Variants in CARD14 observed in about 807,000 individuals in gnomAD.
CARD14 encodes the protein caspase recruitment domain-containing protein 14.
Under a neutral mutation model 111.5 loss-of-function variants are expected in CARD14, and 107 were observed. The ratio of observed to expected loss-of-function variants is 0.96; its 90% CI spans 0.82 to 1.13. The LOEUF is 1.13. CARD14 is among the 50% of genes most tolerant of loss of function. The pLI is 0.00. For synonymous variants in CARD14, 617 were observed against 579.6 expected (o/e 1.06, Z -0.93); for missense variants, 1,322 against 1,362.3 (o/e 0.97, Z 0.47).
At chr17:80,177,307 A>G (rs1851157329) in intron 2 of CARD14, among the ~76,000 whole-genome samples, 1 of 151,564 alleles carries the variant, frequency 6.6e-6, no homozygotes, top group Non-Finnish European at 1.5e-5. Context: ...CAGCTCTGCA[A>G]CCTACACCTC....
rs758104157 is a variant in CARD14 at position 80,204,256 on chromosome 17, C to T, written c.2313C>T (p.Val771=). 1.3e-6 allele frequency: 2 copies of T among 1,597,850 alleles called. No homozygotes were observed. Among genetic ancestry groups the T allele is most frequent in the Non-Finnish European group, 8.6e-7 (1 of 1,167,362 alleles). The change falls in exon 20 of 24, where the codon GTC becomes GTT. Residue 771 remains valine, a synonymous_variant. Coordinates refer to ENST00000648509, the MANE Select transcript of CARD14 (RefSeq NM_001366385.1). ...CTTCTGGGGGACCACAGAAGCTGGT[C>T]CGCATCGTCAGTATGGACAAAGCCA... ...KPSSGGPQKL[V]RIVSMDKAKA...
At position 80,201,684 on chromosome 17, in the gene CARD14, T is replaced by C. The variant is rs2304856; in HGVS notation, c.1852-60T>C. ...GCCTCAGTGCCCTCAGCGCCTTCTGTCTTCTGGCTGGATTCAGAGTCCCGG... is the reference window on the plus strand; with the variant it reads ...GCCTCAGTGCCCTCAGCGCCTTCTGCCTTCTGGCTGGATTCAGAGTCCCGG... On this transcript the variant is annotated intron_variant, in intron 16 of 23. Transcript: ENST00000648509. The surrounding 1 kb of genome is among the most constrained non-coding windows in gnomAD (Gnocchi z 5.0). 834,697 of 1,600,596 alleles carry C rather than the reference T, an allele frequency of 0.52. 220,743 individuals are homozygous for C. Among genetic ancestry groups the C allele is most frequent in the East Asian group, 0.55 (24,484 of 44,750 alleles).
At position 80,189,822 on chromosome 17, in the gene CARD14, A is replaced by G. The variant is rs1322358621; in HGVS notation, c.913A>G (p.Ile305Val). Residue 305 changes from isoleucine to valine, a missense_variant, in exon 9 of 24, where the codon ATC becomes GTC. Transcript: ENST00000648509. This position sits in a 1 kb window ranked among gnomAD's most constrained non-coding sequence, Gnocchi z 4.7. ...RGSRQELVER[I>V]HSLRERAVAA... The stretch of plus-strand genomic sequence containing the variant: ...GAGCCGACAGGAGCTGGTGGAGCGC[A>G]TCCACTCGCTGCGGGAGCGGGCCGT... The G allele has an allele frequency of 1.9e-6, 3 of 1,586,246 alleles. No individual in the cohort carries two copies. Among genetic ancestry groups the G allele is most frequent in the Non-Finnish European group, 2.6e-6 (3 of 1,170,854 alleles).
chr17:80,205,710 AGAG>A, intron 22 of CARD14, 58 bp downstream of exon 22: 6 of 1,477,544 alleles, frequency 4.1e-6, no homozygotes, highest in Non-Finnish European at 5.4e-6. Flanking sequence ...TCAGGAATGC[AGAG>A]GAGGGGGATG....
chr17:80,175,449 T>A (rs1354992714), intron 2 of CARD14, among the ~76,000 whole-genome samples: 3 of 152,188 alleles, frequency 2.0e-5, no homozygotes, highest in African/African-American at 7.2e-5. Flanking sequence ...TTGGGTTTGA[T>A]CTGGAGACTT....
At chr17:80,206,947 C>A in intron 22 of CARD14, 23 bp from the exon 23 acceptor site, 1 of 1,575,592 alleles carries the variant, frequency 6.3e-7, no homozygotes, top group Non-Finnish European at 8.7e-7. Flanking sequence ...TCTTGACTCA[C>A]TTCTTCTCTC....
At position 80,182,437 on chromosome 17, in the gene CARD14, C is replaced by T. The variant is rs1047409887; in HGVS notation, c.212-216C>T. On this transcript the variant is annotated intron_variant, in intron 5 of 23. Coordinates refer to ENST00000648509, the MANE Select transcript of CARD14 (RefSeq NM_001366385.1). The surrounding 1 kb of genome is among the most constrained non-coding windows in gnomAD (Gnocchi z 4.7). ...CGATACATGCCAGCTTTGCCCTTCT[C>T]GAGTCTGACTGAGGTCATGGGGGTA... Among the ~76,000 whole-genome samples, 1 of 152,200 alleles carries T rather than the reference C, an allele frequency of 6.6e-6. No homozygotes were observed. Among genetic ancestry groups the T allele is most frequent in the Non-Finnish European group, 1.5e-5 (1 of 68,032 alleles).
At position 80,189,143 on chromosome 17, in the gene CARD14, A is replaced by G. The variant is rs781468126; in HGVS notation, c.843+599A>G. On this transcript the variant is annotated intron_variant, in intron 8 of 23. Transcript: ENST00000648509. The surrounding 1 kb of genome is among the most constrained non-coding windows in gnomAD (Gnocchi z 4.7). ...CTGTGTTCTGGAGTGGACTTGGCCA[A>G]TTGTAAAGCATGGGATTCGCGTTAA... Among the ~76,000 whole-genome samples the G allele has an allele frequency of 1.3e-5, 2 of 152,208 alleles. No homozygotes were observed. Among genetic ancestry groups the G allele is most frequent in the Non-Finnish European group, 2.9e-5 (2 of 68,040 alleles).
At chr17:80,196,684 G>C (rs1163134688) in intron 14 of CARD14, 1 of 152,240 alleles carries the variant, frequency 6.6e-6, no homozygotes, top group African/African-American at 2.4e-5. Context: ...CTGGTTCGGG[G>C]GCTCACAGGC....
Position 80,208,145 on chromosome 17 carries a change from C to T in CARD14, c.2815C>T (p.Leu939=), listed in dbSNP as rs1349104273. 1.9e-6 allele frequency: 3 copies of T among 1,542,394 alleles called. No individual in the cohort carries two copies. In the South Asian group the frequency reaches 3.6e-5, roughly 19 times the overall value. ...EKMAKKLKKG[L]QRLGTSEEQL... is the part of the protein sequence containing the mutation. ...CAACTCTGGCCTGTGCAGGAAGGGC[C>T]TACAGCGGTTGGGCACCTCAGAGGA... Residue 939 remains leucine (L), a synonymous_variant, in exon 24 of 24, where the codon CTA becomes TTA. Coordinates refer to ENST00000648509, the MANE Select transcript of CARD14 (RefSeq NM_001366385.1).
rs770558404 is a variant in CARD14 at position 80,191,484 on chromosome 17, C to T, written c.1239+12C>T. 21 of 1,606,004 alleles carry T rather than the reference C, an allele frequency of 1.3e-5. No individual in the cohort carries two copies. The highest frequency in any genetic ancestry group is 3.3e-5 in the South Asian group (3 of 90,920). The stretch of plus-strand genomic sequence containing the variant: ...AGCCTCCGGGTGTGGTGAGTGTTCC[C>T]GGCTGACCCGAGCTGGAGGCCAGGC... On this transcript the variant is annotated intron_variant, in intron 11 of 23. Coordinates refer to ENST00000648509, the MANE Select transcript of CARD14 (RefSeq NM_001366385.1).
chr17:80,192,777 A>G (rs2040570251), intron 12 of CARD14, among the ~76,000 whole-genome samples, 158 bp downstream of exon 12: 1 of 152,072 alleles, frequency 6.6e-6, no homozygotes, highest in Non-Finnish European at 1.5e-5. Context: ...TTTTTGAGAC[A>G]GAGTCTCCTC....
At position 80,182,979 on chromosome 17, in the gene CARD14, G is replaced by A. The variant is rs1406172423; in HGVS notation, c.349+189G>A. ...CTGTATTGGGGTTGGATAGGATAAG[G>A]AGCCCCTGGGCCTTGACTCTGAAGG... On this transcript the variant is annotated intron_variant, in intron 6 of 23. Transcript: ENST00000648509. The surrounding 1 kb of genome is among the most constrained non-coding windows in gnomAD (Gnocchi z 4.7). Among the ~76,000 whole-genome samples, 2 of 152,152 alleles carry A rather than the reference G, an allele frequency of 1.3e-5. No individual in the cohort carries two copies. Among genetic ancestry groups the A allele is most frequent in the African/African-American group, 4.8e-5 (2 of 41,420 alleles).
In CARD14 at chr17:80,207,058, T is replaced by C. The variant is rs1330798103; in HGVS notation, c.2780T>C (p.Val927Ala). 3 of 1,613,854 alleles carry C rather than the reference T, an allele frequency of 1.9e-6. No homozygotes were observed. The highest frequency in any genetic ancestry group is 1.7e-4 in the Middle Eastern group (1 of 6,060). Residue 927 changes from valine (V) to alanine (A), a missense_variant, in exon 23 of 24, where the codon GTC (valine) becomes GCC (alanine). Transcript: ENST00000648509. ...DIFPIVIHVS[V>A]NEKMAKKLKK... ...TTCCCCATCGTCATCCACGTCTCTGTCAACGAGAAGATGGCAAAGAAGCTC... is the reference window on the plus strand; with the variant it reads ...TTCCCCATCGTCATCCACGTCTCTGCCAACGAGAAGATGGCAAAGAAGCTC...
chr17:80,191,580 G>T, intron 11 of CARD14, 108 bp downstream of exon 11: 1 of 1,431,660 alleles, frequency 7.0e-7, no homozygotes. Flanking sequence ...AGGACAGGCA[G>T]GGTCCCAGGC....
intron 20 of CARD14, 78 bp from the exon 21 acceptor site, chr17:80,204,957 C>T: frequency 7.7e-7 from 1 of 1,293,288 alleles, no homozygotes; most frequent in South Asian, 1.5e-5. Flanking sequence ...CAAAGCAGAC[C>T]CAGTCCCTCC....
chr17:80,201,583 A>G lies in CARD14; in HGVS notation c.1852-161A>G. 1.4e-6 allele frequency: 1 copy of G among 724,334 alleles called. No individual in the cohort carries two copies. The highest frequency in any genetic ancestry group is 2.4e-6 in the Non-Finnish European group (1 of 412,410). 44.9% of individuals were successfully genotyped at this position (724,334 alleles called of 1,614,324 possible). ...ATCACTAGAGGTGTGAAGGCCCCAC[A>G]GAGGCTCTGGTGTGTGGCTTTGTTT... On this transcript the variant is annotated intron_variant, in intron 16 of 23. Coordinates refer to ENST00000648509, the MANE Select transcript of CARD14 (RefSeq NM_001366385.1). This position sits in a 1 kb window ranked among gnomAD's most constrained non-coding sequence, Gnocchi z 5.0.
At chr17:80,205,723 G>A (rs1388630934) in intron 22 of CARD14, 71 bp downstream of exon 22, 1 of 1,452,652 alleles carries the variant, frequency 6.9e-7, no homozygotes, top group South Asian at 1.4e-5. Flanking sequence ...GGAGGGGGAT[G>A]AGATAAAGGT....
At chr17:80,202,004 C>G in intron 17 of CARD14, 134 bp downstream of exon 17, 2 of 1,323,082 alleles carry the variant, frequency 1.5e-6, no homozygotes, top group Non-Finnish European at 2.1e-6. Context: ...GGCTGTGCCC[C>G]AGGTCCCCAG....
Sources: allele counts gnomAD v4.1 joint callset (sites outside exome capture counted in the v4.1 genomes callset), GRCh38; gene constraint gnomAD v4.1.1; non-coding constraint Gnocchi (gnomAD v3.1); transcripts MANE v1.5; gene names NCBI Gene and HGNC (gene_info 2026-07-23, HGNC 2026-07-21).